PDE1C: variants seen among roughly 807,000 people sequenced by gnomAD.
The protein encoded by PDE1C is dual specificity calcium/calmodulin-dependent 3',5'-cyclic nucleotide phosphodiesterase 1C.
PDE1C carries 62 observed loss-of-function variants against 93.1 expected under a neutral mutation model. That is an observed-to-expected ratio of 0.67 (90% CI 0.54 to 0.82). PDE1C has a LOEUF of 0.82. Ranked by LOEUF, PDE1C falls within the 40% of genes least tolerant of loss-of-function variation. The probability of loss-of-function intolerance (pLI) is 0.00; values close to 1 mark genes in which losing one functional copy is unlikely to be tolerated. For synonymous variants in PDE1C, 325 were observed against 310.1 expected, an observed-to-expected ratio of 1.05 and a Z score of -0.50; for missense variants, 742 against 884.6, an observed-to-expected ratio of 0.84 and a Z score of 2.04.
chr7:32,181,761 T>C (rs377544974), intron 2 of PDE1C, among the ~76,000 whole-genome samples: 10 of 151,916 alleles, frequency 6.6e-5, no homozygotes, highest in Admixed American at 2.0e-4. Context: ...AGAGCAAACA[T>C]ATTCAAAAGC....
At chr7:32,370,213 G>A (rs1165432009) in intron 1 of PDE1C, among the ~76,000 whole-genome samples, 1 of 152,164 alleles carries the variant, frequency 6.6e-6, no homozygotes, top group Non-Finnish European at 1.5e-5. Flanking sequence ...ACTTTGGGAG[G>A]CCGAGGAGGG....
chr7:31,843,289 G>T (rs956597295), intron 9 of PDE1C, among the ~76,000 whole-genome samples: 53 of 151,878 alleles, frequency 3.5e-4, no homozygotes, highest in African/African-American at 1.2e-3. Context: ...AACTGCTGAC[G>T]CAAGAATCTT....
At chr7:32,237,309 GATCTCC>G (rs61316293) in intron 1 of PDE1C, among the ~76,000 whole-genome samples, 24,848 of 151,488 alleles carry the variant, frequency 0.16, 2,201 homozygotes, top group East Asian at 0.29. Context: ...GGATGGTCTC[GATCTCC>G]TGACCTCGTG....
rs187758506 is a variant in PDE1C at position 31,960,166 on chromosome 7, C to T, written c.129-79306G>A. Among the ~76,000 whole-genome samples the T allele has an allele frequency of 2.9e-3, 446 of 152,198 alleles. 2 individuals are homozygous for T. The highest frequency in any genetic ancestry group is 7.6e-3 in the African/African-American group (316 of 41,528). ...CTGGGATGACAGGTGTGAGCCACCG[C>T]GCCCGGCCTCAACTTGCTAAAATTA... On this transcript the variant is annotated intron_variant, in intron 2 of 17. Coordinates refer to ENST00000396191, the MANE Select transcript of PDE1C (RefSeq NM_001191057.4).
the PDE1C span, among the ~76,000 whole-genome samples, chr7:31,713,926 C>T: frequency 2.0e-5 from 3 of 152,176 alleles, no homozygotes; most frequent in Non-Finnish European, 4.4e-5. Flanking sequence ...TCCTACGTCT[C>T]CAAACCTGTG....
At chr7:32,278,123 T>G (rs1811403616) in intron 1 of PDE1C, among the ~76,000 whole-genome samples, 1 of 30,706 alleles carries the variant, frequency 3.3e-5, no homozygotes, top group Non-Finnish European at 6.5e-5. Context: ...ACACAACGAG[T>G]TGCCAAAAAA....
At chr7:32,256,635 C>T (rs765410370) in intron 1 of PDE1C, among the ~76,000 whole-genome samples, 3 of 152,148 alleles carry the variant, frequency 2.0e-5, no homozygotes, top group Non-Finnish European at 2.9e-5. Context: ...TCACCAGGTT[C>T]CCCCACCCTG....
At chr7:31,664,628 T>A in the PDE1C span, among the ~76,000 whole-genome samples, 1 of 152,224 alleles carries the variant, frequency 6.6e-6, no homozygotes, top group Admixed American at 6.5e-5. Flanking sequence ...ACATCTGAGA[T>A]GGCTTGAAGG....
At chr7:31,930,225 GAATAGACC>G (rs1156256946) in intron 2 of PDE1C, among the ~76,000 whole-genome samples, 1 of 151,954 alleles carries the variant, frequency 6.6e-6, no homozygotes, top group Non-Finnish European at 1.5e-5. Context: ...GGAAGTCCCT[GAATAGACC>G]AATAACAAGT....
At chr7:31,828,123 G>C (rs529232987) in intron 12 of PDE1C, among the ~76,000 whole-genome samples, 169 bp downstream of exon 12, 1 of 152,130 alleles carries the variant, frequency 6.6e-6, no homozygotes, top group South Asian at 2.1e-4. Flanking sequence ...CCACATTCCA[G>C]GGAAAAGAAT....
At chr7:32,208,785 A>G (rs569796302) in intron 2 of PDE1C, among the ~76,000 whole-genome samples, 57 of 152,202 alleles carry the variant, frequency 3.7e-4, no homozygotes, top group African/African-American at 1.4e-3. Context: ...TGCTGATCAC[A>G]CTGGTACAGA....
chr7:32,057,191 C>T (rs1563261609), intron 1 of PDE1C, among the ~76,000 whole-genome samples: 1 of 152,234 alleles, frequency 6.6e-6, no homozygotes, highest in Non-Finnish European at 1.5e-5. Context: ...AGCCCAGTGA[C>T]TTGCTTACAC....
chr7:32,414,894 T>C (rs1785241245), intron 1 of PDE1C, among the ~76,000 whole-genome samples: 1 of 151,458 alleles, frequency 6.6e-6, no homozygotes, highest in South Asian at 2.1e-4. Context: ...AATGGAAAAG[T>C]AATATTCTAA....
chr7:31,781,698 AC>A (rs1028756661), intron 16 of PDE1C, among the ~76,000 whole-genome samples: 3 of 106,484 alleles, frequency 2.8e-5, no homozygotes, highest in East Asian at 3.4e-4. Flanking sequence ...CCCACCCCCC[AC>A]CCCCCACACA....
chr7:31,668,877 C>T, the PDE1C span, among the ~76,000 whole-genome samples: 73 of 152,080 alleles, frequency 4.8e-4, no homozygotes, highest in Non-Finnish European at 7.2e-4. Context: ...CATGCAAATA[C>T]CTGAGGGGCA....
intron 3 of PDE1C, among the ~76,000 whole-genome samples, chr7:32,123,025 G>A (rs1379966828): frequency 4.6e-5 from 7 of 152,160 alleles, no homozygotes; most frequent in South Asian, 4.1e-4. Context: ...AAATGATGAC[G>A]GGGATATCAC....
chr7:31,658,237 A>C, the PDE1C span: 10 of 1,470,132 alleles, frequency 6.8e-6, no homozygotes, highest in Middle Eastern at 1.8e-4. Flanking sequence ...ATGTTGCATT[A>C]GGTTTTGTTT....
rs149320714 is a variant in PDE1C, at chr7:32,285,255, G to A, written c.85+13396C>T. Among the ~76,000 whole-genome samples the A allele has an allele frequency of 5.9e-5, 9 of 152,168 alleles. No homozygotes were observed. In the East Asian group the frequency reaches 1.7e-3, roughly 29 times the overall value. ...TCGAAAACTTTCATACATCACTGGT[G>A]GAATCATAAAATGGCGCAGACACTT... On this transcript the variant is annotated intron_variant, in intron 1 of 18. Transcript: ENST00000396193.
At chr7:31,625,002 G>T in the PDE1C span, among the ~76,000 whole-genome samples, 1 of 152,170 alleles carries the variant, frequency 6.6e-6, no homozygotes, top group African/African-American at 2.4e-5. Context: ...CATTTATGCA[G>T]TCAAAAAACA....
Sources: allele counts gnomAD v4.1 joint callset (sites outside exome capture counted in the v4.1 genomes callset), GRCh38; gene constraint gnomAD v4.1.1; transcripts MANE v1.5; gene names NCBI Gene and HGNC (gene_info 2026-07-23, HGNC 2026-07-21).